BCAS3: variants seen among roughly 807,000 people sequenced by gnomAD.
The protein encoded by BCAS3 is BCAS3 microtubule associated cell migration factor.
A neutral mutation model predicts 116.1 loss-of-function variants in BCAS3; 53 were observed. That is an observed-to-expected ratio of 0.46 (90% CI 0.37 to 0.57). The LOEUF is 0.57. Ranked by LOEUF, BCAS3 falls within the 20% of genes least tolerant of loss-of-function variation. The probability of loss-of-function intolerance (pLI) is 0.00; values close to 1 mark genes in which losing one functional copy is unlikely to be tolerated. For missense variants in BCAS3, 917 were observed against 1,165.4 expected (o/e 0.79, Z 3.10); for synonymous variants, 391 against 408.2 (o/e 0.96, Z 0.51).
intron 14 of BCAS3, among the ~76,000 whole-genome samples, chr17:60,959,630 G>A (rs2061317942): frequency 6.6e-6 from 1 of 152,114 alleles, no homozygotes; most frequent in African/African-American, 2.4e-5. Flanking sequence ...AGCAATTTCA[G>A]TCCTGGGGCA....
chr17:61,049,637 GA>G (rs1256281043), intron 19 of BCAS3, among the ~76,000 whole-genome samples: 4 of 142,640 alleles, frequency 2.8e-5, no homozygotes, highest in African/African-American at 7.7e-5. Context: ...TTGACAAAGA[GA>G]AAAAAAAATC....
chr17:61,027,886 G>A (rs8078597), intron 16 of BCAS3, among the ~76,000 whole-genome samples: 10,581 of 151,760 alleles, frequency 0.07, 1,107 homozygotes, highest in African/African-American at 0.23. Context: ...TTCTTTTCCT[G>A]TTTCAGGGAA....
At chr17:60,815,194 AC>A (rs1337650273) in intron 7 of BCAS3, among the ~76,000 whole-genome samples, 1 of 152,206 alleles carries the variant, frequency 6.6e-6, no homozygotes, top group African/African-American at 2.4e-5. Context: ...TGTTGCAAGG[AC>A]AAAAAACCAA....
chr17:61,121,857 GTGGCTGGGATTA>G (rs1298609356), intron 22 of BCAS3, among the ~76,000 whole-genome samples: 1 of 152,116 alleles, frequency 6.6e-6, no homozygotes, highest in Non-Finnish European at 1.5e-5. Flanking sequence ...AGCCTCCCAA[GTGGCTGGGATTA>G]CAGGCGCCTG....
intron 22 of BCAS3, among the ~76,000 whole-genome samples, chr17:61,358,087 CAA>C (rs11324354): frequency 0.01 from 1,434 of 138,680 alleles, 16 homozygotes; most frequent in African/African-American, 0.03. Context: ...GACTCCATCT[CAA>C]AAAAAAAAAA....
rs181731453 is a variant in BCAS3 at position 60,722,230 on chromosome 17, T to C, written c.321+12905T>C. Among the ~76,000 whole-genome samples, 21 of 152,318 alleles carry C rather than the reference T, an allele frequency of 1.4e-4. No individual in the cohort carries two copies. The East Asian group carries it at 4.0e-3, about 29-fold the overall frequency. On this transcript the variant is annotated intron_variant, in intron 5 of 23. Transcript: ENST00000407086. ...AATTTTTGGTGTACGTAAACACTCA[T>C]TTGTCTTGGGTGTTGACCTAGGCGT...
rs7215580 is a variant in BCAS3, at chr17:60,993,202, T to C, written c.1486+2967T>C. ...GGAAAAGACAGATATTAAATGACTGTGAACAAATACCTTTCAATATACTTT... is the reference window on the plus strand; with the variant it reads ...GGAAAAGACAGATATTAAATGACTGCGAACAAATACCTTTCAATATACTTT... On this transcript the variant is annotated intron_variant, in intron 15 of 23. Transcript: ENST00000407086. The surrounding 1 kb of genome is among the most constrained non-coding windows in gnomAD (Gnocchi z 4.2). Among the ~76,000 whole-genome samples, 23,286 of 152,070 alleles carry C rather than the reference T, an allele frequency of 0.15. 5,645 individuals carry two copies. Among genetic ancestry groups the C allele is most frequent in the African/African-American group, 0.52 (21,334 of 41,344 alleles).
chr17:61,137,486 G>A (rs1447652109), intron 22 of BCAS3, among the ~76,000 whole-genome samples: 1 of 152,162 alleles, frequency 6.6e-6, no homozygotes, highest in African/African-American at 2.4e-5. Flanking sequence ...CTAAAAACTG[G>A]GGCCAGGCGT....
chr17:60,837,299 C>T (rs769485682), intron 7 of BCAS3, among the ~76,000 whole-genome samples: 2 of 152,128 alleles, frequency 1.3e-5, no homozygotes, highest in African/African-American at 2.4e-5. Flanking sequence ...GATTATCATA[C>T]CTCCTAATTC....
Position 61,034,708 on chromosome 17 carries a change from G to A in BCAS3, c.1680G>A (p.Met560Ile), listed in dbSNP as rs1434626516. 3 of 1,612,188 alleles carry A rather than the reference G, an allele frequency of 1.9e-6. No homozygotes were observed. The highest frequency in any genetic ancestry group is 2.2e-5 in the South Asian group (2 of 90,888). The part of the protein sequence containing the change: ...PPPQISPSKS[M>I]GGEFCVAAIF... ...CACAAATTTCACCCAGCAAATCGAT[G>A]GGCGGAGAATTTTGTGTGGCTGCTA... The change falls in exon 17 of 24, where the codon ATG (methionine) becomes ATA (isoleucine). Residue 560 changes from methionine (M) to isoleucine (I), a missense_variant. Met to Ile is a conservative substitution (Grantham distance 10). Around this residue, in one of 3 missense-constraint regions of BCAS3, gnomAD observed 807 missense variants for 1,026.0 expected, o/e 0.79. Coordinates refer to ENST00000407086, the MANE Select transcript of BCAS3 (RefSeq NM_017679.5). The surrounding 1 kb of genome is among the most constrained non-coding windows in gnomAD (Gnocchi z 5.0).
chr17:60,774,300 G>A (rs556451353), intron 6 of BCAS3, among the ~76,000 whole-genome samples: 1 of 152,178 alleles, frequency 6.6e-6, no homozygotes, highest in African/African-American at 2.4e-5. Flanking sequence ...CAATTTGCGT[G>A]TACATGTGCA....
chr17:61,192,481 G>A (rs1685106422), intron 22 of BCAS3, among the ~76,000 whole-genome samples: 1 of 152,080 alleles, frequency 6.6e-6, no homozygotes, highest in Admixed American at 6.6e-5. Flanking sequence ...TAAAAGGCTA[G>A]CTGAGAGAAA....
chr17:60,926,648 G>A (rs2059379559), intron 13 of BCAS3, among the ~76,000 whole-genome samples: 1 of 152,122 alleles, frequency 6.6e-6, no homozygotes, highest in Non-Finnish European at 1.5e-5. Context: ...ACTCCACTTG[G>A]AATGACCGGT....
intron 14 of BCAS3, among the ~76,000 whole-genome samples, chr17:60,974,530 G>A (rs2062173740): frequency 6.6e-6 from 1 of 152,086 alleles, no homozygotes; most frequent in African/African-American, 2.4e-5. Context: ...ATTACATAAA[G>A]TATTTGTATA....
chr17:60,726,565 A>C (rs2039885705), intron 5 of BCAS3, among the ~76,000 whole-genome samples: 1 of 146,718 alleles, frequency 6.8e-6, no homozygotes, highest in Non-Finnish European at 1.5e-5. Context: ...GCTGGAGTGC[A>C]ATGGTGCGAT....
At position 61,186,758 on chromosome 17, in the gene BCAS3, T is replaced by A. The variant is rs530778992; in HGVS notation, c.2425+102194T>A. On this transcript the variant is annotated intron_variant, in intron 22 of 23. Coordinates refer to ENST00000407086, the MANE Select transcript of BCAS3 (RefSeq NM_017679.5). This position sits in a 1 kb window ranked among gnomAD's most constrained non-coding sequence, Gnocchi z 4.9. ...CGGAGTCTCGCTCTGTCGCCCAGGT[T>A]GGAGTGCAGTGGCACGATCTCAGCT... 1.4e-4 allele frequency among the ~76,000 whole-genome samples: 21 copies of A among 152,250 alleles called. No individual in the cohort carries two copies. The South Asian group carries it at 1.9e-3, about 14-fold the overall frequency.
chr17:60,736,922 C>G (rs1230891671), intron 5 of BCAS3, among the ~76,000 whole-genome samples: 2 of 138,254 alleles, frequency 1.4e-5, no homozygotes, highest in Non-Finnish European at 3.0e-5. Flanking sequence ...CCCTTCCTCC[C>G]TTCCTCCCTC....
Position 61,117,497 on chromosome 17 carries a change from A to T in BCAS3, c.2425+32933A>T, listed in dbSNP as rs368176487. Reference sequence around the variant, plus strand: ...GTAGACCCAACTACTAGGGAGGCCGAGGGAAGGAGAATTGCTTGAGCCCAG... The same window carrying T: ...GTAGACCCAACTACTAGGGAGGCCGTGGGAAGGAGAATTGCTTGAGCCCAG... On this transcript the variant is annotated intron_variant, in intron 22 of 23. Coordinates refer to ENST00000407086, the MANE Select transcript of BCAS3 (RefSeq NM_017679.5). Among the ~76,000 whole-genome samples, 9 of 152,104 alleles carry T rather than the reference A, an allele frequency of 5.9e-5. No individual in the cohort carries two copies. The East Asian group carries it at 9.6e-4, about 16-fold the overall frequency.
intron 22 of BCAS3, among the ~76,000 whole-genome samples, chr17:61,231,992 G>A (rs1031113856): frequency 9.2e-5 from 14 of 151,574 alleles, no homozygotes; most frequent in Non-Finnish European, 1.8e-4. Flanking sequence ...GGATCACAAG[G>A]TCAGGAGTTC....
Sources: gnomAD v4.1 joint callset for allele counts (sites outside exome capture counted in the v4.1 genomes callset) on GRCh38, gnomAD v4.1.1 for gene constraint, gnomAD v4.1.1 regional missense constraint, Gnocchi (gnomAD v3.1) non-coding constraint, MANE v1.5 for transcripts, NCBI Gene and HGNC (gene_info 2026-07-23, HGNC 2026-07-21) for gene names.